Variants in SCHIP1 observed in about 807,000 individuals in gnomAD.
SCHIP1 encodes the protein schwannomin interacting protein 1, also known as schwannomin-interacting protein 1.
Under a neutral mutation model 29.7 loss-of-function variants are expected in SCHIP1, and 8 were observed. That is an observed-to-expected ratio of 0.27 (90% confidence interval 0.16 to 0.49). The LOEUF (loss-of-function observed/expected upper bound fraction) is 0.49. Ranked by LOEUF, SCHIP1 falls within the 20% of genes least tolerant of loss-of-function variation. The pLI is 0.99. For missense variants in SCHIP1, 193 were observed against 294.6 expected, an observed-to-expected ratio of 0.66 and a Z score of 2.52; for synonymous variants, 76 against 94.9, an observed-to-expected ratio of 0.80 and a Z score of 1.16.
the SCHIP1 span, among the ~76,000 whole-genome samples, chr3:159,382,735 T>G: frequency 6.6e-6 from 1 of 152,094 alleles, no homozygotes; most frequent in African/African-American, 2.4e-5. Context: ...AGTGTAAAAG[T>G]GTTCCTATTT....
the SCHIP1 span, chr3:159,764,697 G>A: frequency 1.9e-6 from 3 of 1,577,134 alleles, no homozygotes; most frequent in Non-Finnish European, 1.7e-6. This position sits in a 1 kb window ranked among gnomAD's most constrained non-coding sequence, Gnocchi z 6.1. Context: ...AGGAGGACGA[G>A]CGCGACCAGC....
rs1353585304 is a variant in SCHIP1 at position 159,870,427 on chromosome 3, G to A, written c.149+4146G>A. Among the ~76,000 whole-genome samples, 15 of 152,004 alleles carry A rather than the reference G, an allele frequency of 9.9e-5. No homozygotes were observed. The South Asian group carries it at 2.7e-3, about 27-fold the overall frequency. On this transcript the variant is annotated intron_variant, in intron 2 of 6. Coordinates refer to ENST00000445224, the Ensembl canonical transcript of SCHIP1. ...ATAACTTACAAAGAATTTTTATCATGAATGGGTATTTAACTGTATCACATG... is the reference window on the plus strand; with the variant it reads ...ATAACTTACAAAGAATTTTTATCATAAATGGGTATTTAACTGTATCACATG...
At chr3:159,542,633 A>G in the SCHIP1 span, among the ~76,000 whole-genome samples, 1 of 152,026 alleles carries the variant, frequency 6.6e-6, no homozygotes, top group African/African-American at 2.4e-5. Flanking sequence ...AAAGGAGTCT[A>G]GGAACTGAGT....
the SCHIP1 span, among the ~76,000 whole-genome samples, chr3:159,445,666 G>A: frequency 1.3e-5 from 2 of 152,104 alleles, no homozygotes; most frequent in African/African-American, 2.4e-5. Context: ...AGAAAATGTG[G>A]CACATATATA....
the SCHIP1 span, among the ~76,000 whole-genome samples, chr3:159,282,326 A>G: frequency 6.6e-6 from 1 of 151,826 alleles, no homozygotes; most frequent in African/African-American, 2.4e-5. Context: ...ACATTTTCAC[A>G]TTTTGTGGCC....
At chr3:159,394,643 C>A in the SCHIP1 span, among the ~76,000 whole-genome samples, 1 of 151,936 alleles carries the variant, frequency 6.6e-6, no homozygotes, top group Non-Finnish European at 1.5e-5. Flanking sequence ...ATTGAACCAG[C>A]CTTGCATCCC....
the SCHIP1 span, among the ~76,000 whole-genome samples, chr3:159,757,157 T>A: frequency 6.6e-6 from 1 of 152,218 alleles, no homozygotes; most frequent in Admixed American, 6.5e-5. Flanking sequence ...TTAGTCTGTT[T>A]TCATGCTGCT....
chr3:159,768,222 GTTTCCTATTGACA>G, the SCHIP1 span: 1 of 152,258 alleles, frequency 6.6e-6, no homozygotes, highest in East Asian at 1.9e-4. Flanking sequence ...AACTTAAAGG[GTTTCCTATTGACA>G]AGTCTCTTAT....
chr3:159,709,490 C>T, the SCHIP1 span, among the ~76,000 whole-genome samples: 1 of 152,100 alleles, frequency 6.6e-6, no homozygotes, highest in African/African-American at 2.4e-5. Flanking sequence ...TTGGATATTT[C>T]TCAGTCTTAT....
the SCHIP1 span, among the ~76,000 whole-genome samples, chr3:159,704,916 C>A: frequency 1.1e-4 from 10 of 94,940 alleles, no homozygotes; most frequent in Middle Eastern, 5.1e-3. Context: ...TTATTTCTTT[C>A]TTTCTTTCTT....
chr3:159,460,318 C>T, the SCHIP1 span, among the ~76,000 whole-genome samples: 1 of 152,108 alleles, frequency 6.6e-6, no homozygotes, highest in East Asian at 1.9e-4. Flanking sequence ...TCCATCCAAA[C>T]CGAATAAGGT....
chr3:159,565,846 T>C, the SCHIP1 span, among the ~76,000 whole-genome samples: 1 of 152,220 alleles, frequency 6.6e-6, no homozygotes, highest in Admixed American at 6.5e-5. Flanking sequence ...TGTACAACAT[T>C]TATATTCCCA....
chr3:159,800,313 C>T, the SCHIP1 span, among the ~76,000 whole-genome samples: 4 of 152,176 alleles, frequency 2.6e-5, no homozygotes, highest in Non-Finnish European at 5.9e-5. Flanking sequence ...GCCCACCTCT[C>T]CAATGCGCAG....
chr3:159,551,839 G>A, the SCHIP1 span, among the ~76,000 whole-genome samples: 24 of 152,082 alleles, frequency 1.6e-4, no homozygotes, highest in Non-Finnish European at 3.2e-4. Context: ...CATTAGGGAT[G>A]CCAGAATTCA....
the SCHIP1 span, among the ~76,000 whole-genome samples, chr3:159,321,843 A>C: frequency 6.6e-6 from 1 of 152,166 alleles, no homozygotes; most frequent in Non-Finnish European, 1.5e-5. Flanking sequence ...CATTGTTATA[A>C]AATAATGAAG....
the SCHIP1 span, among the ~76,000 whole-genome samples, chr3:159,290,622 T>C: frequency 1.3e-5 from 2 of 152,088 alleles, no homozygotes; most frequent in Non-Finnish European, 2.9e-5. Flanking sequence ...AAAAAAATTA[T>C]TTCAGGTGAC....
At chr3:159,727,858 T>G in the SCHIP1 span, among the ~76,000 whole-genome samples, 1 of 152,074 alleles carries the variant, frequency 6.6e-6, no homozygotes, top group Non-Finnish European at 1.5e-5. Flanking sequence ...GGTCAGTCCT[T>G]CCTCTAAATG....
At chr3:159,787,867 A>G in the SCHIP1 span, among the ~76,000 whole-genome samples, 3 of 152,156 alleles carry the variant, frequency 2.0e-5, no homozygotes, top group Admixed American at 1.3e-4. Flanking sequence ...ATTTGGACCA[A>G]CTTCCCTCAT....
At chr3:159,866,712 C>T (rs2109262383) in intron 2 of SCHIP1, among the ~76,000 whole-genome samples, 1 of 152,246 alleles carries the variant, frequency 6.6e-6, no homozygotes, top group Admixed American at 6.5e-5. Context: ...AAATACAATT[C>T]CCGCTTTGAT....
Sources: allele counts gnomAD v4.1 joint callset (sites outside exome capture counted in the v4.1 genomes callset), GRCh38; gene constraint gnomAD v4.1.1; non-coding constraint Gnocchi (gnomAD v3.1); transcripts MANE v1.5; gene names NCBI Gene and HGNC (gene_info 2026-07-23, HGNC 2026-07-21).